Variants in SH2B2 observed in about 807,000 individuals in gnomAD.
The protein encoded by SH2B2 is SH2B adaptor protein 2, also known as SH2B adapter protein 2.
Under a neutral mutation model 35.7 loss-of-function variants are expected in SH2B2, and 37 were observed. The ratio of observed to expected loss-of-function variants is 1.04; its 90% CI spans 0.80 to 1.36. SH2B2 has a LOEUF of 1.36. Among genes scored for constraint, SH2B2 ranks in the 40% most tolerant of loss-of-function variants. SH2B2 has a pLI of 0.00. For missense variants in SH2B2, 852 were observed against 817.7 expected (o/e 1.04, Z -0.51); for synonymous variants, 383 against 376.4 (o/e 1.02, Z -0.20).
chr7:102,300,682 T>A lies in SH2B2; in HGVS notation c.132T>A (p.Arg44=). ...AAVDFAHKFC[R]FLRDNPAYDT... The stretch of plus-strand genomic sequence containing the variant: ...TGGACTTTGCGCACAAGTTCTGCCG[T>A]TTCCTGCGGGACAACCCAGCTTACG... The change falls in exon 2 of 9, where the codon CGT becomes CGA. Residue 44 remains arginine (R), a synonymous_variant. Coordinates refer to ENST00000444095, the MANE Select transcript of SH2B2 (RefSeq NM_001359228.2). 1 of 1,547,026 alleles carries A rather than the reference T, an allele frequency of 6.5e-7. No individual in the cohort carries two copies. The highest frequency in any genetic ancestry group is 8.7e-7 in the Non-Finnish European group (1 of 1,143,768).
At chr7:102,307,202 G>C (rs1793437761) in intron 3 of SH2B2, among the ~76,000 whole-genome samples, 1 of 152,264 alleles carries the variant, frequency 6.6e-6, no homozygotes, top group Non-Finnish European at 1.5e-5. Flanking sequence ...GGGCACTGGA[G>C]TGTGGGAACT....
chr7:102,303,937 T>C (rs1793297180), intron 2 of SH2B2, among the ~76,000 whole-genome samples: 1 of 152,092 alleles, frequency 6.6e-6, no homozygotes. Flanking sequence ...GCAGCGTTCC[T>C]GCAGGGTCAC....
Position 102,321,509 on chromosome 7 carries a change from G to C in SH2B2, c.1778G>C (p.Arg593Pro). 8 of 1,149,708 alleles carry C rather than the reference G, an allele frequency of 7.0e-6. No homozygotes were observed. The highest frequency in any genetic ancestry group is 8.6e-6 in the Non-Finnish European group (8 of 934,962). The allele number at this position is 1,149,708 out of a possible 1,614,324, so 71.2% of individuals were successfully genotyped here. The change falls in exon 9 of 9, where the codon CGG (arginine) becomes CCG (proline). Residue 593 changes from arginine (R) to proline (P), a missense_variant. By Grantham distance (103) the Arg-to-Pro change is moderately radical. Around this residue, in one of 3 missense-constraint regions of SH2B2, gnomAD observed 556 missense variants for 514.5 expected, o/e 1.08. Coordinates refer to ENST00000444095, the MANE Select transcript of SH2B2 (RefSeq NM_001359228.2). Reference sequence around the variant, plus strand: ...CCCGTCGAGGGCCAGCTCAGCGCGCGGAGCCGCAGCAACAGCGCCGAGCGC... The same window carrying C: ...CCCGTCGAGGGCCAGCTCAGCGCGCCGAGCCGCAGCAACAGCGCCGAGCGC... ...PRPVEGQLSARSRSNSAERLL... is the reference protein window; with the variant it reads ...PRPVEGQLSAPSRSNSAERLL...
chr7:102,319,153 C>T (rs1793963734), intron 7 of SH2B2, among the ~76,000 whole-genome samples: 1 of 152,216 alleles, frequency 6.6e-6, no homozygotes, highest in South Asian at 2.1e-4. Context: ...AGAGGCAACT[C>T]TTTCCACCTT....
upstream of SH2B2, chr7:102,285,373 C>T (rs1792403608): frequency 1.2e-5 from 9 of 746,758 alleles, no homozygotes; most frequent in Admixed American, 1.5e-4. Flanking sequence ...TCCCCCTTCC[C>T]GGCCTCATTC....
intron 2 of SH2B2, among the ~76,000 whole-genome samples, chr7:102,301,591 T>C (rs952764775): frequency 2.7e-5 from 4 of 149,398 alleles, no homozygotes; most frequent in East Asian, 2.0e-4. Context: ...TGCGCGCGCG[T>C]GTGTGTGTGT....
In SH2B2 at chr7:102,314,110, C is replaced by T. The variant is rs917341470; in HGVS notation, c.924-226C>T. On this transcript the variant is annotated intron_variant, in intron 4 of 8. Transcript: ENST00000444095. ...GGCTGCTGCTGAGGACTTTGTTTTG[C>T]GGTATTGTTTTCTGAGCCCCAACAG... Among the ~76,000 whole-genome samples, 7 of 152,130 alleles carry T rather than the reference C, an allele frequency of 4.6e-5. No individual in the cohort carries two copies. The South Asian group carries it at 6.2e-4, about 14-fold the overall frequency.
Position 102,321,578 on chromosome 7 carries a change from AGGCCGCGCCC to A in SH2B2, c.1856_1865del (p.Pro619ArgfsTer26). On this transcript the variant is annotated frameshift_variant, in exon 9 of 9. Transcript: ENST00000444095. LOFTEE classifies it high-confidence loss of function. ...GCCACCGCCGCCGAGGAGCCCCCGG[AGGCCGCGCCC>A]GGCCGCGCGCGCGCCGTGGAGAACC... The A allele has an allele frequency of 3.4e-6, 4 of 1,159,592 alleles. No individual in the cohort carries two copies. The highest frequency in any genetic ancestry group is 3.9e-5 in the South Asian group (1 of 25,852). 71.8% of individuals were successfully genotyped at this position (1,159,592 alleles called of 1,614,324 possible).
In SH2B2 at chr7:102,300,656, G is replaced by A. The variant is rs1793119607; in HGVS notation, c.106G>A (p.Val36Met). ...CGAGCTGCATGCGCAGGCGGCCGCC[G>A]TGGACTTTGCGCACAAGTTCTGCCG... The part of the protein sequence containing the change: ...FCELHAQAAA[V>M]DFAHKFCRFL... Residue 36 changes from valine to methionine, a missense_variant, in exon 2 of 9, where the codon GTG (valine) becomes ATG (methionine). Physicochemically the swap from Val to Met is conservative, Grantham distance 21. Transcript: ENST00000444095. 7.1e-6 allele frequency: 11 copies of A among 1,549,220 alleles called. No homozygotes were observed. The highest frequency in any genetic ancestry group is 9.6e-6 in the Non-Finnish European group (11 of 1,144,994).
chr7:102,293,293 A>G (rs1586567082), intron 1 of SH2B2: 2 of 95,748 alleles, frequency 2.1e-5, no homozygotes, highest in Admixed American at 1.4e-4. Flanking sequence ...GGCTGGACCT[A>G]CTGTCTAGCC....
intron 4 of SH2B2, among the ~76,000 whole-genome samples, chr7:102,313,901 A>T (rs1309690433): frequency 6.7e-6 from 1 of 150,270 alleles, no homozygotes; most frequent in East Asian, 1.9e-4. Context: ...ACAGAGTGAG[A>T]CTCCGTCTCA....
rs1222212105 is a variant in SH2B2 at position 102,314,547 on chromosome 7, G to A, written c.1051G>A (p.Val351Met). The A allele has an allele frequency of 2.8e-5, 11 of 398,552 alleles. No individual in the cohort carries two copies. Among genetic ancestry groups the A allele is most frequent in the African/African-American group, 4.1e-5 (2 of 48,600 alleles). 24.7% of individuals were successfully genotyped at this position (398,552 alleles called of 1,614,324 possible). Residue 351 changes from valine (V) to methionine (M), a missense_variant, in exon 6 of 9, where the codon GTG becomes ATG. Val to Met is a conservative substitution (Grantham distance 21). Transcript: ENST00000444095. ...DLPRPPETTA[V>M]GAVVTAPHSR... ...GCCCCGCCCCCCAGAGACGACAGCC[G>A]TGGGTGCAGTGGTGACAGCCCCCCA... is the stretch of plus-strand genomic sequence containing the variant.
chr7:102,317,535 A>C (rs1586605409), intron 7 of SH2B2, 140 bp downstream of exon 7: 1 of 735,812 alleles, frequency 1.4e-6, no homozygotes, highest in Admixed American at 3.2e-5. Flanking sequence ...GGCCCCACTC[A>C]CCCCAGCCAT....
intron 1 of SH2B2, among the ~76,000 whole-genome samples, chr7:102,291,977 G>C (rs1410676564): frequency 1.3e-5 from 2 of 152,140 alleles, no homozygotes; most frequent in Non-Finnish European, 2.9e-5. Context: ...CCAGGAGGGT[G>C]CTTGAGGAAC....
At chr7:102,287,317 G>A (rs1333328318) in intron 1 of SH2B2, among the ~76,000 whole-genome samples, 2 of 152,044 alleles carry the variant, frequency 1.3e-5, no homozygotes, top group African/African-American at 4.8e-5. Flanking sequence ...TCCCCATCCC[G>A]GGCGGGGCGG....
chr7:102,318,957 G>T (rs138444402), intron 7 of SH2B2, among the ~76,000 whole-genome samples: 291 of 152,276 alleles, frequency 1.9e-3, no homozygotes, highest in African/African-American at 6.4e-3. Context: ...CAAAGGGTGG[G>T]TGGCAAGCTC....
intron 1 of SH2B2, 38 bp from the exon 2 acceptor site, chr7:102,300,484 C>T: frequency 6.7e-7 from 1 of 1,492,566 alleles, no homozygotes; most frequent in East Asian, 2.5e-5. Flanking sequence ...GCATTGATCA[C>T]AGGCCTGAAA....
At chr7:102,292,972 C>T (rs559068059) in intron 1 of SH2B2, 2 of 152,732 alleles carry the variant, frequency 1.3e-5, no homozygotes, top group Non-Finnish European at 2.9e-5. Flanking sequence ...CCCGGTGCTC[C>T]TGGCCTCCTG....
intron 2 of SH2B2, among the ~76,000 whole-genome samples, chr7:102,304,783 G>A (rs782447639): frequency 8.4e-4 from 128 of 152,228 alleles, no homozygotes; most frequent in South Asian, 8.3e-4. Flanking sequence ...CCCGCTGGCC[G>A]GCACGATGGC....
Sources: gnomAD v4.1 joint callset for allele counts (sites outside exome capture counted in the v4.1 genomes callset) on GRCh38, gnomAD v4.1.1 for gene constraint, gnomAD v4.1.1 regional missense constraint, MANE v1.5 for transcripts, NCBI Gene and HGNC (gene_info 2026-07-23, HGNC 2026-07-21) for gene names.